Variants in PDGFD observed in about 807,000 individuals in gnomAD.
PDGFD encodes platelet derived growth factor D.
In PDGFD, 30 loss-of-function variants were observed where a neutral mutation model predicts 44.7. The observed-to-expected ratio is 0.67, with a 90% CI of 0.50 to 0.91. The LOEUF (loss-of-function observed/expected upper bound fraction) is 0.91. PDGFD is among the 40% of genes least tolerant of loss of function. PDGFD has a pLI of 0.00. For missense variants in PDGFD, 445 were observed against 457.8 expected (o/e 0.97, Z 0.25); for synonymous variants, 173 against 168.4 (o/e 1.03, Z -0.21).
chr11:103,937,491 A>C (rs1858508562), intron 5 of PDGFD, among the ~76,000 whole-genome samples: 1 of 152,190 alleles, frequency 6.6e-6, no homozygotes, highest in African/African-American at 2.4e-5. Context: ...TATGAACTTG[A>C]ATAAATATAC....
chr11:104,155,169 G>A (rs1230192761), intron 1 of PDGFD, among the ~76,000 whole-genome samples: 1 of 152,072 alleles, frequency 6.6e-6, no homozygotes, highest in African/African-American at 2.4e-5. Flanking sequence ...TTTCTTCAAG[G>A]TTTCTGTAGT....
intron 1 of PDGFD, among the ~76,000 whole-genome samples, chr11:104,009,196 G>A (rs1449760284): frequency 2.6e-5 from 4 of 151,996 alleles, no homozygotes; most frequent in Admixed American, 2.6e-4. Flanking sequence ...TAGCACCAGA[G>A]CCAGGCCCTA....
chr11:103,992,950 T>A (rs770558595), intron 3 of PDGFD, among the ~76,000 whole-genome samples: 3 of 152,156 alleles, frequency 2.0e-5, no homozygotes, highest in Non-Finnish European at 2.9e-5. Flanking sequence ...ATGGGAGGTA[T>A]GCAGGTAGAG....
intron 3 of PDGFD, among the ~76,000 whole-genome samples, chr11:103,956,574 T>C (rs1021781242): frequency 1.8e-4 from 27 of 151,594 alleles, no homozygotes; most frequent in African/African-American, 5.6e-4. Context: ...TGGGTATATA[T>C]CCAGTAATGG....
intron 1 of PDGFD, among the ~76,000 whole-genome samples, chr11:104,026,288 G>A (rs899757262): frequency 2.0e-5 from 3 of 152,302 alleles, no homozygotes; most frequent in South Asian, 2.1e-4. Context: ...CAAAGCAACA[G>A]GGAATTAATT....
intron 3 of PDGFD, among the ~76,000 whole-genome samples, chr11:103,947,942 A>C (rs1858688734): frequency 6.6e-6 from 1 of 152,180 alleles, no homozygotes; most frequent in African/African-American, 2.4e-5. Context: ...TACTGGTGAA[A>C]TGGAAAAGGC....
At chr11:104,078,543 G>T (rs1029435106) in intron 1 of PDGFD, among the ~76,000 whole-genome samples, 1 of 52,998 alleles carries the variant, frequency 1.9e-5, no homozygotes, top group African/African-American at 1.9e-4. Flanking sequence ...ATATCTCATA[G>T]GGGCTCACCC....
intron 1 of PDGFD, among the ~76,000 whole-genome samples, chr11:104,109,471 T>A (rs1002452540): frequency 7.2e-5 from 11 of 152,146 alleles, no homozygotes; most frequent in African/African-American, 2.4e-4. Context: ...TAAAAAAAAG[T>A]CTTTTTGGAT....
intron 3 of PDGFD, among the ~76,000 whole-genome samples, chr11:103,993,888 A>G (rs1198850277): frequency 1.3e-5 from 2 of 152,242 alleles, no homozygotes; most frequent in Non-Finnish European, 2.9e-5. Flanking sequence ...CCAACAGACC[A>G]GTAGAAAAAT....
At chr11:103,994,115 G>A (rs1239590237) in intron 3 of PDGFD, among the ~76,000 whole-genome samples, 1 of 152,240 alleles carries the variant, frequency 6.6e-6, no homozygotes, top group Admixed American at 6.5e-5. Context: ...CCTTAAAACT[G>A]TATTCCTACT....
At chr11:104,036,805 C>T (rs1299083023) in intron 1 of PDGFD, 1 of 1,602,576 alleles carries the variant, frequency 6.2e-7, no homozygotes, top group South Asian at 1.1e-5. Context: ...GCTAGCCCGG[C>T]CCGCCCGGGC....
chr11:103,975,055 C>T (rs1859162440), intron 3 of PDGFD, among the ~76,000 whole-genome samples: 1 of 152,154 alleles, frequency 6.6e-6, no homozygotes, highest in African/African-American at 2.4e-5. Flanking sequence ...GTTCTAGACC[C>T]TTGAGGAATC....
chr11:104,039,888 C>A (rs1380396270), intron 1 of PDGFD, among the ~76,000 whole-genome samples: 1 of 152,034 alleles, frequency 6.6e-6, no homozygotes, highest in African/African-American at 2.4e-5. Context: ...GGGTGTCTGA[C>A]CCTTTAAAGT....
At chr11:104,012,095 CA>C (rs1222965345) in intron 1 of PDGFD, among the ~76,000 whole-genome samples, 1 of 152,046 alleles carries the variant, frequency 6.6e-6, no homozygotes, top group Non-Finnish European at 1.5e-5. Flanking sequence ...AGCTACCTAT[CA>C]AAAGTTGGAG....
chr11:104,140,538 T>A (rs929025654), intron 1 of PDGFD, among the ~76,000 whole-genome samples: 2 of 151,264 alleles, frequency 1.3e-5, no homozygotes, highest in African/African-American at 4.9e-5. Flanking sequence ...TCACCTAACC[T>A]CTAATGGAAA....
At chr11:104,014,093 T>TCTCGC (rs1460783693) in intron 1 of PDGFD, among the ~76,000 whole-genome samples, 1 of 152,188 alleles carries the variant, frequency 6.6e-6, no homozygotes, top group Non-Finnish European at 1.5e-5. Context: ...ATTAACAATG[T>TCTCGC]CTCGCATGGG....
At chr11:104,021,681 A>G (rs537674760) in intron 1 of PDGFD, among the ~76,000 whole-genome samples, 21 of 152,302 alleles carry the variant, frequency 1.4e-4, no homozygotes, top group Non-Finnish European at 8.8e-5. Context: ...AGGCCTGTCA[A>G]ACTCGACTTG....
chr11:103,951,662 G>A (rs1344695729), intron 3 of PDGFD, among the ~76,000 whole-genome samples: 1 of 152,034 alleles, frequency 6.6e-6, no homozygotes, highest in Admixed American at 6.6e-5. Context: ...CTCCCCTCAG[G>A]TTTAATTCAC....
chr11:104,054,535 A>G (rs956512540), intron 1 of PDGFD, among the ~76,000 whole-genome samples: 9 of 141,180 alleles, frequency 6.4e-5, no homozygotes, highest in South Asian at 4.4e-4. Context: ...AATAAAAATC[A>G]TCACATGGGT....
Sources: allele counts gnomAD v4.1 joint callset (sites outside exome capture counted in the v4.1 genomes callset), GRCh38; gene constraint gnomAD v4.1.1; transcripts MANE v1.5; gene names NCBI Gene and HGNC (gene_info 2026-07-23, HGNC 2026-07-21).